A1CF: variants seen among roughly 807,000 people sequenced by gnomAD.
A1CF encodes the protein APOBEC1 complementation factor.
A neutral mutation model predicts 68.9 loss-of-function variants in A1CF; 48 were observed. That is an observed-to-expected ratio of 0.70 (90% CI 0.55 to 0.89). The LOEUF is 0.89. Ranked by LOEUF, A1CF falls within the 40% of genes least tolerant of loss-of-function variation. The probability of loss-of-function intolerance (pLI) is 0.00; values close to 1 mark genes in which losing one functional copy is unlikely to be tolerated. For missense variants in A1CF, 653 were observed against 718.9 expected, an observed-to-expected ratio of 0.91 and a Z score of 1.05; for synonymous variants, 272 against 260.4, an observed-to-expected ratio of 1.04 and a Z score of -0.43.
At chr10:50,882,575 C>T in intron 1 of A1CF, among the ~76,000 whole-genome samples, 1 of 152,016 alleles carries the variant, frequency 6.6e-6, no homozygotes, top group East Asian at 1.9e-4. Flanking sequence ...CAGGATCAGG[C>T]CAAGGAGCAG....
rs1837512943 is a variant in A1CF, at chr10:50,799,432, A to G, written c.*7297T>C. 1 of 152,190 alleles carries G rather than the reference A, an allele frequency of 6.6e-6. No homozygotes were observed. The highest frequency in any genetic ancestry group is 6.5e-5 in the Admixed American group (1 of 15,278). 9.4% of individuals were successfully genotyped at this position (152,190 alleles called of 1,614,324 possible). The stretch of plus-strand genomic sequence containing the variant: ...TATTGATAATTTTTAAAACTTTATA[A>G]TGGCACTTGAAAATTCAATTAAAAC... On this transcript the variant is annotated 3_prime_UTR_variant, in exon 13 of 13. Transcript: ENST00000373997.
At chr10:50,884,563 A>AT (rs1841921830) in intron 1 of A1CF, among the ~76,000 whole-genome samples, 1 of 152,208 alleles carries the variant, frequency 6.6e-6, no homozygotes, top group Admixed American at 6.5e-5. Flanking sequence ...AGACCAACAC[A>AT]TTTTTTGATG....
chr10:50,840,873 T>C (rs942125217), intron 5 of A1CF, among the ~76,000 whole-genome samples: 2 of 152,198 alleles, frequency 1.3e-5, no homozygotes, highest in Non-Finnish European at 2.9e-5. Context: ...AGTTCACAGA[T>C]ACTCGGACCA....
intron 6 of A1CF, among the ~76,000 whole-genome samples, chr10:50,833,192 A>T (rs1286686501): frequency 6.6e-6 from 1 of 152,204 alleles, no homozygotes; most frequent in Non-Finnish European, 1.5e-5. Flanking sequence ...TAGGATGGAA[A>T]ATCATTGATT....
At chr10:50,826,718 A>G (rs1838959144) in intron 7 of A1CF, among the ~76,000 whole-genome samples, 1 of 152,206 alleles carries the variant, frequency 6.6e-6, no homozygotes, top group Non-Finnish European at 1.5e-5. Flanking sequence ...AAGAAACTGC[A>G]TCAACTAATG....
chr10:50,854,115 T>C lies in A1CF; in HGVS notation c.99+5727A>G, dbSNP rs116575082. Among the ~76,000 whole-genome samples the C allele has an allele frequency of 3.6e-3, 550 of 152,142 alleles. 2 individuals carry two copies. Among genetic ancestry groups the C allele is most frequent in the African/African-American group, 0.013 (522 of 41,558 alleles). On this transcript the variant is annotated intron_variant, in intron 3 of 12. Transcript: ENST00000373997. ...TTAACTCCTGACTGACCCTTAGAAA[T>C]CTTTTCTACCTTATGAGATTTTTTC...
intron 3 of A1CF, chr10:50,850,786 A>C: frequency 6.2e-7 from 1 of 1,613,596 alleles, no homozygotes. Context: ...CACTGCTTCC[A>C]TCTATAGGAA....
chr10:50,879,227 G>C (rs962103495), intron 1 of A1CF, among the ~76,000 whole-genome samples: 1 of 152,240 alleles, frequency 6.6e-6, no homozygotes, highest in East Asian at 1.9e-4. Context: ...TTTAAATATG[G>C]GACTCCCTTA....
chr10:50,873,554 C>T (rs776764923), intron 1 of A1CF, among the ~76,000 whole-genome samples: 5 of 152,034 alleles, frequency 3.3e-5, no homozygotes, highest in Non-Finnish European at 5.9e-5. Context: ...TGTTCCCTTT[C>T]CTGCTCTTTT....
intron 8 of A1CF, among the ~76,000 whole-genome samples, chr10:50,816,802 T>C (rs539619640): frequency 1.3e-5 from 2 of 152,282 alleles, no homozygotes; most frequent in East Asian, 1.9e-4. Context: ...TCTTGCTCCT[T>C]AGAGCAGCCA....
At chr10:50,848,893 G>A (rs1840114422) in intron 3 of A1CF, among the ~76,000 whole-genome samples, 1 of 152,132 alleles carries the variant, frequency 6.6e-6, no homozygotes, top group Admixed American at 6.6e-5. Context: ...GTGGTTCTGT[G>A]ATCAGACTCC....
At chr10:50,838,334 T>C (rs966783721) in intron 5 of A1CF, among the ~76,000 whole-genome samples, 4 of 152,188 alleles carry the variant, frequency 2.6e-5, no homozygotes, top group African/African-American at 9.7e-5. Flanking sequence ...AGTGTGGTTC[T>C]CAAGGTGAGG....
At chr10:50,836,874 C>G (rs2132432250) in intron 5 of A1CF, among the ~76,000 whole-genome samples, 1 of 151,920 alleles carries the variant, frequency 6.6e-6, no homozygotes, top group African/African-American at 2.4e-5. Flanking sequence ...TGAACTCATC[C>G]TTTTTCATGG....
At chr10:50,878,121 CAAAAAGAAA>C (rs1415278714) in intron 1 of A1CF, among the ~76,000 whole-genome samples, 8 of 150,958 alleles carry the variant, frequency 5.3e-5, no homozygotes, top group African/African-American at 1.2e-4. Flanking sequence ...GACTCCATCT[CAAAAAGAAA>C]AAAAAGAAAA....
intron 1 of A1CF, among the ~76,000 whole-genome samples, chr10:50,876,366 C>T (rs1841513040): frequency 6.6e-6 from 1 of 152,198 alleles, no homozygotes; most frequent in African/African-American, 2.4e-5. Context: ...ACAAGCTTAT[C>T]AGAAACTCAG....
intron 6 of A1CF, among the ~76,000 whole-genome samples, chr10:50,828,638 G>GAT (rs955950150): frequency 6.9e-4 from 105 of 152,236 alleles, no homozygotes; most frequent in African/African-American, 2.5e-3. Context: ...GCACAAGGGA[G>GAT]ATAGGAAAAT....
chr10:50,814,480 A>G (rs1229683697), intron 9 of A1CF, among the ~76,000 whole-genome samples: 3 of 152,200 alleles, frequency 2.0e-5, no homozygotes, highest in Non-Finnish European at 4.4e-5. Flanking sequence ...TGATCAGTAT[A>G]TCAGAAATAA....
At chr10:50,836,780 A>G (rs560456635) in intron 5 of A1CF, among the ~76,000 whole-genome samples, 1 of 147,024 alleles carries the variant, frequency 6.8e-6, no homozygotes, top group South Asian at 2.2e-4. Flanking sequence ...ATGAGTGAGA[A>G]CATGCAGTGT....
chr10:50,870,725 TA>T (rs1042279018), intron 1 of A1CF, among the ~76,000 whole-genome samples: 22 of 151,842 alleles, frequency 1.4e-4, no homozygotes, highest in African/African-American at 5.1e-4. Context: ...CTTTGCCATG[TA>T]AAGCCTTTTG....
Sources: allele counts gnomAD v4.1 joint callset (sites outside exome capture counted in the v4.1 genomes callset), GRCh38; gene constraint gnomAD v4.1.1; transcripts MANE v1.5; gene names NCBI Gene and HGNC (gene_info 2026-07-23, HGNC 2026-07-21).